MAGT1: variants seen among roughly 807,000 people sequenced by gnomAD.
The protein encoded by MAGT1 is magnesium transporter 1.
Under a neutral mutation model 28.4 loss-of-function variants are expected in MAGT1, and 4 were observed. The observed-to-expected ratio is 0.14, with a 90% confidence interval of 0.07 to 0.32. The LOEUF (loss-of-function observed/expected upper bound fraction) is 0.32. MAGT1 is among the 10% of genes least tolerant of loss of function. The pLI, the probability that MAGT1 is intolerant of heterozygous loss-of-function variation, is 1.00. For missense variants in MAGT1, 193 were observed against 264.5 expected (o/e 0.73, Z 1.88); for synonymous variants, 89 against 89.7 (o/e 0.99, Z 0.04).
At chrX:77,858,602 G>A (rs1351054400) in intron 3 of MAGT1, among the ~76,000 whole-genome samples, 2 of 112,090 alleles carry the variant, frequency 1.8e-5, no homozygotes, top group African/African-American at 6.5e-5. Flanking sequence ...CATAAGGTGA[G>A]AGCATGTACT....
rs182458167 is a variant in MAGT1 at position 77,844,891 on chromosome X, T to G, written c.827-3571A>C. On this transcript the variant is annotated intron_variant, in intron 7 of 9. Coordinates refer to ENST00000618282, the MANE Select transcript of MAGT1 (RefSeq NM_001367916.1). ...ATGTGGTCAATTTTGGAATAGGTGTTGTGTGGTGCTGCAAAGAATGTATAT... is the reference window on the plus strand; with the variant it reads ...ATGTGGTCAATTTTGGAATAGGTGTGGTGTGGTGCTGCAAAGAATGTATAT... 8.1e-3 allele frequency among the ~76,000 whole-genome samples: 907 copies of G among 111,518 alleles called. 13 individuals carry two copies. Among genetic ancestry groups the G allele is most frequent in the African/African-American group, 0.028 (868 of 30,683 alleles).
Position 77,826,231 on chromosome X carries a change from T to C in MAGT1, c.*2989A>G, listed in dbSNP as rs2076882643. On this transcript the variant is annotated 3_prime_UTR_variant, in exon 10 of 10. Coordinates refer to ENST00000618282, the MANE Select transcript of MAGT1 (RefSeq NM_001367916.1). Reference sequence around the variant, plus strand: ...AGAAATACTTAAAGAAACTGTCCCATCAAACTGTCCTTAGGACAATATGAA... The same window carrying C: ...AGAAATACTTAAAGAAACTGTCCCACCAAACTGTCCTTAGGACAATATGAA... 1.8e-5 allele frequency: 2 copies of C among 112,116 alleles called. No individual in the cohort carries two copies. Among genetic ancestry groups the C allele is most frequent in the Admixed American group, 1.9e-4 (2 of 10,482 alleles). The allele number at this position is 112,116 out of a possible 1,213,427, so 9.2% of individuals were successfully genotyped here.
chrX:77,880,586 C>A (rs782046100), intron 1 of MAGT1, among the ~76,000 whole-genome samples: 1 of 109,954 alleles, frequency 9.1e-6, no homozygotes, highest in South Asian at 3.9e-4. Context: ...CTGGTAAGGG[C>A]CACAAAAAGA....
chrX:77,848,532 A>T (rs1258515981), intron 7 of MAGT1, among the ~76,000 whole-genome samples: 3 of 111,190 alleles, frequency 2.7e-5, no homozygotes, highest in Admixed American at 9.7e-5. Flanking sequence ...TTTCTTTGTA[A>T]TTTTTATGTA....
intron 2 of MAGT1, among the ~76,000 whole-genome samples, chrX:77,872,828 C>T (rs1432383971): frequency 5.3e-5 from 6 of 112,163 alleles, no homozygotes; most frequent in South Asian, 3.6e-4. Flanking sequence ...TTTCCTTAAC[C>T]AGATGATAAG....
intron 6 of MAGT1, 116 bp downstream of exon 6, chrX:77,855,385 G>C: frequency 3.8e-6 from 2 of 533,020 alleles, no homozygotes; most frequent in Non-Finnish European, 6.6e-6. Flanking sequence ...ACACAAGAGA[G>C]ATTGAAAAGT....
chrX:77,841,134 T>C, intron 8 of MAGT1, 112 bp downstream of exon 8: 2 of 533,165 alleles, frequency 3.8e-6, no homozygotes, highest in Non-Finnish European at 6.3e-6. Context: ...AAAAAAATAG[T>C]AAAGGGGTAA....
In MAGT1 at chrX:77,856,858, G is replaced by T; in HGVS notation, c.547C>A (p.Pro183Thr). The change falls in exon 5 of 10, where the codon CCC (proline) becomes ACC (threonine). Residue 183 changes from proline (P) to threonine (T), a missense_variant. Coordinates refer to ENST00000618282, the MANE Select transcript of MAGT1 (RefSeq NM_001367916.1). ...ATAAGGGGACCAGCATAATTTGGGG[G>T]TCTAATCACTCTAATCTAATGGAAA... ...RTDVNIRVIR[P>T]PNYAGPLMLG... is the part of the protein sequence containing the mutation. 5.8e-6 allele frequency: 7 copies of T among 1,207,237 alleles called. No individual in the cohort carries two copies. Among genetic ancestry groups the T allele is most frequent in the Non-Finnish European group, 6.7e-6 (6 of 892,183 alleles).
intron 4 of MAGT1, 69 bp downstream of exon 4, chrX:77,857,288 T>G: frequency 8.5e-7 from 1 of 1,176,872 alleles, no homozygotes; most frequent in East Asian, 3.0e-5. Context: ...ACAAGACTAA[T>G]TAGGGCCTCC....
At chrX:77,894,363 T>C (rs1424302088) in intron 1 of MAGT1, among the ~76,000 whole-genome samples, 1 of 112,412 alleles carries the variant, frequency 8.9e-6, no homozygotes, top group East Asian at 2.8e-4. Context: ...ATAGAGAAGA[T>C]AGCTTTCTTT....
chrX:77,870,680 T>C, intron 3 of MAGT1, 128 bp downstream of exon 3: 1 of 493,392 alleles, frequency 2.0e-6, no homozygotes, highest in Admixed American at 3.2e-5. Context: ...GTTTAACTTT[T>C]AGTTTGCTAC....
At chrX:77,893,527 TGA>T (rs1440016706) in intron 1 of MAGT1, among the ~76,000 whole-genome samples, 10 of 111,225 alleles carry the variant, frequency 9.0e-5, no homozygotes, top group African/African-American at 2.0e-4. Flanking sequence ...TCCAGTTCAG[TGA>T]GAGAGTCAAT....
intron 1 of MAGT1, among the ~76,000 whole-genome samples, chrX:77,882,505 G>A (rs1314148332): frequency 2.7e-5 from 3 of 111,678 alleles, no homozygotes; most frequent in Non-Finnish European, 3.8e-5. Flanking sequence ...AAACAAGTGT[G>A]AAGCAGTAAC....
At chrX:77,894,358 G>A (rs782767923) in intron 1 of MAGT1, among the ~76,000 whole-genome samples, 1 of 112,164 alleles carries the variant, frequency 8.9e-6, no homozygotes, top group Non-Finnish European at 1.9e-5. Flanking sequence ...GAAACATAGA[G>A]AAGATAGCTT....
At chrX:77,866,152 TAA>T (rs1213261903) in intron 3 of MAGT1, among the ~76,000 whole-genome samples, 4 of 55,685 alleles carry the variant, frequency 7.2e-5, no homozygotes, top group Admixed American at 2.5e-4. Flanking sequence ...CCACCTCAAT[TAA>T]AAAAAAAAAA....
chrX:77,835,611 T>G (rs781901375), intron 8 of MAGT1, among the ~76,000 whole-genome samples: 16 of 111,450 alleles, frequency 1.4e-4, no homozygotes, highest in Non-Finnish European at 2.8e-4. Flanking sequence ...GAAAAATAAA[T>G]CAGTATACCG....
intron 8 of MAGT1, among the ~76,000 whole-genome samples, chrX:77,838,730 T>C (rs369569764): frequency 1.2e-3 from 122 of 100,523 alleles, no homozygotes; most frequent in African/African-American, 3.1e-3. Context: ...TGCACTCCAG[T>C]CTGGGAGACA....
At chrX:77,853,629 C>T (rs1557215717) in intron 7 of MAGT1, among the ~76,000 whole-genome samples, 2 of 112,134 alleles carry the variant, frequency 1.8e-5, no homozygotes, top group African/African-American at 6.5e-5. Flanking sequence ...CCTATTACAA[C>T]TCTATCTTTT....
At chrX:77,858,277 G>A (rs1465937453) in intron 3 of MAGT1, among the ~76,000 whole-genome samples, 2 of 110,560 alleles carry the variant, frequency 1.8e-5, no homozygotes, top group Admixed American at 9.8e-5. Context: ...TGCAACCTCC[G>A]CCTCCCAGGT....
Sources: gnomAD v4.1 joint callset for allele counts (sites outside exome capture counted in the v4.1 genomes callset) on GRCh38, gnomAD v4.1.1 for gene constraint, MANE v1.5 for transcripts, NCBI Gene and HGNC (gene_info 2026-07-23, HGNC 2026-07-21) for gene names.